The following UBE4B variants were observed in gnomAD, a reference collection of about 807,000 sequenced individuals.
UBE4B encodes the protein ubiquitination factor E4B.
UBE4B carries 27 observed loss-of-function variants against 148.1 expected under a neutral mutation model. That is an observed-to-expected ratio of 0.18 (90% CI 0.13 to 0.25). UBE4B has a LOEUF of 0.25. Ranked by LOEUF, UBE4B falls within the 10% of genes least tolerant of loss-of-function variation. UBE4B has a pLI of 1.00. For synonymous variants in UBE4B, 596 were observed against 619.3 expected (o/e 0.96, Z 0.56); for missense variants, 1,170 against 1,662.4 (o/e 0.70, Z 5.15).
chr1:10,117,843 G>T (rs1382422884), intron 8 of UBE4B, among the ~76,000 whole-genome samples: 1 of 152,290 alleles, frequency 6.6e-6, no homozygotes, highest in East Asian at 1.9e-4. Flanking sequence ...CCTGGCTTCA[G>T]AGTCCTCTCT....
chr1:10,082,749 C>T (rs1231885997), intron 2 of UBE4B, among the ~76,000 whole-genome samples: 3 of 149,052 alleles, frequency 2.0e-5, no homozygotes, highest in Admixed American at 6.8e-5. Flanking sequence ...ATCAACTCAT[C>T]ATCTAGATTT....
chr1:10,045,152 C>G (rs1643887228), intron 1 of UBE4B, among the ~76,000 whole-genome samples: 1 of 152,166 alleles, frequency 6.6e-6, no homozygotes, highest in Non-Finnish European at 1.5e-5. Flanking sequence ...AGGCGGAGCT[C>G]AGGTAGTAAT....
At chr1:10,119,712 C>T (rs1645380123) in intron 9 of UBE4B, 99 bp downstream of exon 9, 7 of 983,432 alleles carry the variant, frequency 7.1e-6, no homozygotes, top group South Asian at 2.8e-5. Context: ...CCTTAGATAA[C>T]TCCCTTCCTC....
chr1:10,066,685 A>G (rs1390762419), intron 1 of UBE4B, among the ~76,000 whole-genome samples: 1 of 151,982 alleles, frequency 6.6e-6, no homozygotes, highest in Admixed American at 6.6e-5. Flanking sequence ...GCAGGTAGAT[A>G]ACCTGAGGTC....
chr1:10,086,086 T>C (rs559035843), intron 2 of UBE4B, among the ~76,000 whole-genome samples: 10 of 151,814 alleles, frequency 6.6e-5, no homozygotes, highest in East Asian at 1.9e-4. Context: ...ATTCTCCTGC[T>C]TCAGCCTCCC....
At chr1:10,071,901 A>AAG in intron 1 of UBE4B, 127 bp from the exon 2 acceptor site, 4 of 872,402 alleles carry the variant, frequency 4.6e-6, no homozygotes, top group Non-Finnish European at 6.7e-6. Flanking sequence ...ATTCTCTCAG[A>AAG]AGAGTACTTT....
chr1:10,119,224 T>C (rs987013518), intron 8 of UBE4B, among the ~76,000 whole-genome samples: 2 of 152,112 alleles, frequency 1.3e-5, no homozygotes, highest in African/African-American at 4.8e-5. Context: ...TTGCTTGCCT[T>C]GGCCTCCCAG....
At chr1:10,175,565 G>C (rs113006833) in intron 25 of UBE4B, among the ~76,000 whole-genome samples, 3 of 151,884 alleles carry the variant, frequency 2.0e-5, no homozygotes, top group Non-Finnish European at 4.4e-5. Flanking sequence ...GCAGGAGAAT[G>C]GCGTGAACCT....
In UBE4B at chr1:10,048,758, G is replaced by A. The variant is rs139683709; in HGVS notation, c.24+15064G>A. On this transcript the variant is annotated intron_variant, in intron 1 of 27. Transcript: ENST00000343090. ...CTGATTTCATTGCTGACTGGAGCAA[G>A]TTCAAGAGAGAATGGGAGGAGAGGG... 3.9e-5 allele frequency among the ~76,000 whole-genome samples: 6 copies of A among 152,308 alleles called. No individual in the cohort carries two copies. In the East Asian group the frequency reaches 1.2e-3, roughly 29 times the overall value.
chr1:10,179,203 C>A (rs533806718), intron 26 of UBE4B: 32 of 590,404 alleles, frequency 5.4e-5, no homozygotes, highest in African/African-American at 2.6e-4. Context: ...TCCCTCCCCC[C>A]AGCAGTAGCT....
intron 2 of UBE4B, chr1:10,072,632 T>C: frequency 1.6e-6 from 1 of 609,040 alleles, no homozygotes. Flanking sequence ...GGCACAGAAC[T>C]TTTTCTTTAA....
Position 10,086,132 on chromosome 1 carries a change from A to T in UBE4B, c.212-9329A>T, listed in dbSNP as rs532591635. On this transcript the variant is annotated intron_variant, in intron 2 of 27. Coordinates refer to ENST00000343090, the MANE Select transcript of UBE4B (RefSeq NM_001105562.3). ...GACTACAGGCGCCCGCCACCACGCC[A>T]GGCTAATTTTTTGTATTTTTAGTAG... 1.4e-3 allele frequency among the ~76,000 whole-genome samples: 215 copies of T among 151,882 alleles called. 1 individual carries two copies. The South Asian group carries it at 0.015, about 10-fold the overall frequency.
At chr1:10,073,207 C>T (rs1273247927) in intron 2 of UBE4B, 1 of 152,200 alleles carries the variant, frequency 6.6e-6, no homozygotes, top group Non-Finnish European at 1.5e-5. Flanking sequence ...TCCTTGGACA[C>T]AGTACTGACA....
intron 3 of UBE4B, among the ~76,000 whole-genome samples, chr1:10,096,874 AC>A (rs1351675867): frequency 1.3e-5 from 2 of 151,954 alleles, no homozygotes; most frequent in Non-Finnish European, 2.9e-5. Context: ...CTCCGTCTCT[AC>A]TAAAAATACA....
chr1:10,107,199 C>CT lies in UBE4B; in HGVS notation c.1196+622dup. 2.3e-6 allele frequency: 3 copies of CT among 1,289,352 alleles called. No individual in the cohort carries two copies. In the South Asian group the frequency reaches 3.7e-5, roughly 16 times the overall value. 79.9% of individuals were successfully genotyped at this position (1,289,352 alleles called of 1,614,324 possible). A position where few individuals can be genotyped will look rare whatever the true frequency, so the allele number is the denominator to read the frequency against. ...TGTTTTTTCTTTGTTCTCTGATGGC[C>CT]TTTTTTGCTTTTGTTGTGGTAGTAT... On this transcript the variant is annotated intron_variant, in intron 7 of 27. Transcript: ENST00000343090.
intron 15 of UBE4B, among the ~76,000 whole-genome samples, chr1:10,134,516 AAAAAG>A (rs548045315): frequency 1.5e-4 from 23 of 152,112 alleles, no homozygotes; most frequent in African/African-American, 1.9e-4. Flanking sequence ...CCATCTCAAA[AAAAAG>A]AAAAGAAAAG....
rs1276352893 is a variant in UBE4B at position 10,096,721 on chromosome 1, C to T, written c.347+1125C>T. Reference sequence around the variant, plus strand: ...TGGCCGATAGAGTGAGACTCCATCTCAAAAAAAGAAAAAGGAGAATTAAAA... The same window carrying T: ...TGGCCGATAGAGTGAGACTCCATCTTAAAAAAAGAAAAAGGAGAATTAAAA... On this transcript the variant is annotated intron_variant, in intron 3 of 27. Transcript: ENST00000343090. 2.0e-5 allele frequency among the ~76,000 whole-genome samples: 3 copies of T among 150,666 alleles called. No individual in the cohort carries two copies. The East Asian group carries it at 5.8e-4, about 29-fold the overall frequency.
intron 23 of UBE4B, among the ~76,000 whole-genome samples, chr1:10,162,116 A>G (rs1462251715): frequency 6.6e-6 from 1 of 150,958 alleles, no homozygotes; most frequent in Non-Finnish European, 1.5e-5. Flanking sequence ...TTCGTGCCTC[A>G]GCCTTCTGAA....
chr1:10,155,281 G>C (rs554299124), intron 21 of UBE4B, among the ~76,000 whole-genome samples: 1 of 152,116 alleles, frequency 6.6e-6, no homozygotes, highest in African/African-American at 2.4e-5. Flanking sequence ...AGTCATAGAT[G>C]GATGACATCT....
Sources: gnomAD v4.1 joint callset for allele counts (sites outside exome capture counted in the v4.1 genomes callset) on GRCh38, gnomAD v4.1.1 for gene constraint, MANE v1.5 for transcripts, NCBI Gene and HGNC (gene_info 2026-07-23, HGNC 2026-07-21) for gene names.